ZBTB20: variants seen among roughly 807,000 people sequenced by gnomAD.
ZBTB20 encodes zinc finger and BTB domain-containing protein 20.
In ZBTB20, 9 loss-of-function variants were observed where a neutral mutation model predicts 56.9. The ratio of observed to expected loss-of-function variants is 0.16; its 90% confidence interval spans 0.10 to 0.28. ZBTB20 has a LOEUF of 0.28. Ranked by LOEUF, ZBTB20 falls within the 10% of genes least tolerant of loss-of-function variation. The pLI is 1.00. For missense variants in ZBTB20, 655 were observed against 1,003.0 expected (o/e 0.65, Z 4.69); for synonymous variants, 417 against 420.7 (o/e 0.99, Z 0.11).
At chr3:114,859,571 CGTTT>C (rs1434958560) in intron 4 of ZBTB20, among the ~76,000 whole-genome samples, 4 of 48,982 alleles carry the variant, frequency 8.2e-5, no homozygotes, top group Middle Eastern at 0.017. Context: ...CTTCTTATGG[CGTTT>C]TTTTTTTTTT....
intron 10 of ZBTB20, among the ~76,000 whole-genome samples, chr3:114,356,646 G>A (rs765504521): frequency 1.3e-4 from 20 of 152,146 alleles, no homozygotes; most frequent in Non-Finnish European, 7.4e-5. Flanking sequence ...ACAGGGTGCA[G>A]CTTGCCAAGT....
intron 6 of ZBTB20, among the ~76,000 whole-genome samples, chr3:114,586,486 T>G (rs1329114240): frequency 6.6e-6 from 1 of 151,056 alleles, no homozygotes; most frequent in Admixed American, 6.6e-5. Context: ...CACACTGACA[T>G]GTGATTTAGC....
At chr3:114,599,897 T>G (rs1211352761) in intron 6 of ZBTB20, among the ~76,000 whole-genome samples, 1 of 151,924 alleles carries the variant, frequency 6.6e-6, no homozygotes, top group African/African-American at 2.4e-5. Context: ...TGTCCAGAGC[T>G]TTCTTATTTT....
chr3:114,461,306 C>T (rs374629864), intron 7 of ZBTB20, among the ~76,000 whole-genome samples: 3 of 148,242 alleles, frequency 2.0e-5, no homozygotes, highest in Middle Eastern at 3.5e-3. Context: ...TCCCCCCCCC[C>T]TCTTTTTTTT....
intron 1 of ZBTB20, among the ~76,000 whole-genome samples, chr3:115,134,483 C>T (rs539098721): frequency 1.3e-5 from 2 of 148,548 alleles, no homozygotes; most frequent in Admixed American, 6.7e-5. Flanking sequence ...CAAATCTCAT[C>T]TTTTTTTTTT....
At chr3:115,129,400 C>T (rs914371022) in intron 1 of ZBTB20, among the ~76,000 whole-genome samples, 7 of 152,044 alleles carry the variant, frequency 4.6e-5, no homozygotes, top group African/African-American at 7.2e-5. Context: ...ATGATACTTA[C>T]GTTTCTTATT....
At chr3:114,471,958 T>C (rs1273624593) in intron 7 of ZBTB20, among the ~76,000 whole-genome samples, 2 of 152,094 alleles carry the variant, frequency 1.3e-5, no homozygotes, top group Non-Finnish European at 2.9e-5. Flanking sequence ...TGGATAACTG[T>C]GGAACTGAAG....
intron 10 of ZBTB20, among the ~76,000 whole-genome samples, chr3:114,376,610 C>G (rs1275724417): frequency 6.6e-6 from 1 of 152,166 alleles, no homozygotes; most frequent in Non-Finnish European, 1.5e-5. Context: ...CCATTGGCCT[C>G]TGTGAGTGTC....
intron 7 of ZBTB20, among the ~76,000 whole-genome samples, chr3:114,495,021 A>G (rs2043126885): frequency 6.6e-6 from 1 of 152,204 alleles, no homozygotes; most frequent in African/African-American, 2.4e-5. Context: ...TTTTACATGA[A>G]ACTTTCTAGC....
chr3:114,721,384 C>G (rs774058413), intron 5 of ZBTB20, among the ~76,000 whole-genome samples: 95 of 152,210 alleles, frequency 6.2e-4, no homozygotes, highest in Admixed American at 1.0e-3. Flanking sequence ...TGCAACAACC[C>G]AGGTACTATG....
At chr3:114,433,959 G>A (rs1217622984) in intron 7 of ZBTB20, among the ~76,000 whole-genome samples, 1 of 152,178 alleles carries the variant, frequency 6.6e-6, no homozygotes, top group Non-Finnish European at 1.5e-5. Context: ...TGTGCTCACT[G>A]TGTCCACAGC....
rs2079382947 is a variant in ZBTB20, at chr3:114,334,524, T to A, written c.*4481A>T. On this transcript the variant is annotated 3_prime_UTR_variant, in exon 12 of 12. Transcript: ENST00000675478. Reference sequence around the variant, plus strand: ...GGACTGAATGTGAAACAAACATACCTGGAGGAAAACTTTTTTCATTATCAG... The same window carrying A: ...GGACTGAATGTGAAACAAACATACCAGGAGGAAAACTTTTTTCATTATCAG... The A allele has an allele frequency of 6.6e-6, 1 of 152,324 alleles. No homozygotes were observed. Among genetic ancestry groups the A allele is most frequent in the Middle Eastern group, 3.4e-3 (1 of 294 alleles). 9.4% of individuals were successfully genotyped at this position (152,324 alleles called of 1,614,324 possible). A position where few individuals can be genotyped will look rare whatever the true frequency, so the allele number is the denominator to read the frequency against.
In ZBTB20 at chr3:115,067,439, C is replaced by T. The variant is rs568289392; in HGVS notation, c.-507+3780G>A. ...ACACATTTTTCTGCAGATCTTTATA[C>T]GGAACATCAATCTAATCTTTATTTG... is the stretch of plus-strand genomic sequence containing the variant. On this transcript the variant is annotated intron_variant, in intron 2 of 11. Coordinates refer to ENST00000675478, the MANE Select transcript of ZBTB20 (RefSeq NM_001348800.3). Among the ~76,000 whole-genome samples the T allele has an allele frequency of 1.2e-4, 18 of 151,052 alleles. No homozygotes were observed. The East Asian group carries it at 1.4e-3, about 11-fold the overall frequency.
chr3:114,795,050 T>C (rs939346119), intron 5 of ZBTB20, among the ~76,000 whole-genome samples: 1 of 152,040 alleles, frequency 6.6e-6, no homozygotes. Context: ...ACAACAGAAT[T>C]TTAATAATTA....
intron 5 of ZBTB20, chr3:114,743,781 T>C (rs781511852): frequency 6.6e-6 from 1 of 152,498 alleles, no homozygotes; most frequent in Non-Finnish European, 1.5e-5. Flanking sequence ...GGTTGTTGTC[T>C]AAGAATAAAA....
intron 5 of ZBTB20, among the ~76,000 whole-genome samples, chr3:114,703,512 T>TA (rs2063521571): frequency 2.6e-5 from 4 of 151,912 alleles, no homozygotes; most frequent in Admixed American, 2.6e-4. Flanking sequence ...ACTTTTTTTT[T>TA]ATTCAAATAG....
intron 1 of ZBTB20, among the ~76,000 whole-genome samples, chr3:115,081,633 G>A (rs1009930977): frequency 4.9e-4 from 74 of 151,168 alleles, no homozygotes; most frequent in African/African-American, 1.7e-3. Context: ...CAGAAAATTT[G>A]TTGTGGAGAA....
chr3:114,897,732 C>A (rs1042671662), intron 4 of ZBTB20, among the ~76,000 whole-genome samples: 1 of 152,126 alleles, frequency 6.6e-6, no homozygotes, highest in African/African-American at 2.4e-5. Context: ...TGGCCTCTTG[C>A]ACACTGGTGT....
chr3:114,466,780 C>G (rs2092570752), intron 7 of ZBTB20, among the ~76,000 whole-genome samples: 1 of 152,148 alleles, frequency 6.6e-6, no homozygotes, highest in African/African-American at 2.4e-5. Context: ...AGGACCTAAG[C>G]TCTAGAAAGT....
Sources: gnomAD v4.1 joint callset for allele counts (sites outside exome capture counted in the v4.1 genomes callset) on GRCh38, gnomAD v4.1.1 for gene constraint, MANE v1.5 for transcripts, NCBI Gene and HGNC (gene_info 2026-07-23, HGNC 2026-07-21) for gene names.